Variants in IQGAP2 observed in about 807,000 individuals in gnomAD.
The protein encoded by IQGAP2 is IQ motif containing GTPase activating protein 2.
Under a neutral mutation model 201.3 loss-of-function variants are expected in IQGAP2, and 173 were observed. The observed-to-expected ratio is 0.86, with a 90% CI of 0.76 to 0.98. IQGAP2 has a LOEUF of 0.98. IQGAP2 is among the 50% of genes least tolerant of loss of function. The probability of loss-of-function intolerance (pLI) is 0.00; values close to 1 mark genes in which losing one functional copy is unlikely to be tolerated. For missense variants in IQGAP2, 1,687 were observed against 1,864.8 expected (o/e 0.90, Z 1.76); for synonymous variants, 675 against 673.9 (o/e 1.00, Z -0.03).
intron 2 of IQGAP2, among the ~76,000 whole-genome samples, chr5:76,536,799 G>A (rs551146901): frequency 1.6e-4 from 24 of 151,854 alleles, no homozygotes; most frequent in African/African-American, 5.3e-4. Context: ...CATGGCTTTT[G>A]GCTTTTTATC....
chr5:76,652,660 T>A, intron 17 of IQGAP2, 90 bp from the exon 18 acceptor site: 1 of 912,328 alleles, frequency 1.1e-6, no homozygotes, highest in Non-Finnish European at 1.8e-6. Flanking sequence ...CCCAGCTCCA[T>A]GCGGCCTGAG....
intron 8 of IQGAP2, among the ~76,000 whole-genome samples, chr5:76,592,034 C>T (rs931183493): frequency 3.3e-5 from 5 of 152,182 alleles, no homozygotes; most frequent in African/African-American, 1.2e-4. Context: ...TTGCCTCAGT[C>T]CTGCCCCTTC....
intron 2 of IQGAP2, among the ~76,000 whole-genome samples, chr5:76,544,939 A>G (rs966746450): frequency 7.2e-5 from 11 of 152,020 alleles, no homozygotes; most frequent in African/African-American, 2.4e-4. Context: ...ATATATGTCT[A>G]CAGTATATAT....
chr5:76,652,717 G>C (rs1336232259), intron 17 of IQGAP2, 33 bp from the exon 18 acceptor site: 2 of 1,459,552 alleles, frequency 1.4e-6, no homozygotes, highest in Admixed American at 3.3e-5. Context: ...AAACTTGCTG[G>C]TAAATAATTC....
At chr5:76,411,029 G>T (rs532788766) in intron 1 of IQGAP2, among the ~76,000 whole-genome samples, 5 of 152,320 alleles carry the variant, frequency 3.3e-5, no homozygotes, top group Admixed American at 6.5e-5. Context: ...AGCAGCAGCA[G>T]TAACAGCAGC....
At chr5:76,457,356 C>G (rs1165154968) in intron 1 of IQGAP2, among the ~76,000 whole-genome samples, 1 of 152,170 alleles carries the variant, frequency 6.6e-6, no homozygotes, top group East Asian at 1.9e-4. Context: ...TATTACAGAA[C>G]AGATTCCAAG....
intron 1 of IQGAP2, among the ~76,000 whole-genome samples, chr5:76,412,504 T>C (rs1425179492): frequency 1.3e-5 from 2 of 152,218 alleles, no homozygotes; most frequent in Admixed American, 1.3e-4. Context: ...CATATTTTAC[T>C]GGCAATATGA....
intron 14 of IQGAP2, among the ~76,000 whole-genome samples, chr5:76,629,493 A>G (rs748142997): frequency 1.3e-5 from 2 of 152,168 alleles, no homozygotes; most frequent in East Asian, 1.9e-4. Context: ...TGCTTGCTTA[A>G]AGTAGATTTG....
chr5:76,541,126 T>C (rs1013264772), intron 2 of IQGAP2, among the ~76,000 whole-genome samples: 1 of 152,178 alleles, frequency 6.6e-6, no homozygotes, highest in Non-Finnish European at 1.5e-5. Flanking sequence ...TCATTCTCCA[T>C]TTCCAGAAAT....
intron 2 of IQGAP2, among the ~76,000 whole-genome samples, chr5:76,464,604 T>G (rs1754670862): frequency 6.6e-6 from 1 of 152,240 alleles, no homozygotes; most frequent in Admixed American, 6.5e-5. Flanking sequence ...GGTATCTAGT[T>G]TGTATATCCT....
At chr5:76,568,010 C>T (rs1050783178) in intron 3 of IQGAP2, among the ~76,000 whole-genome samples, 1 of 152,012 alleles carries the variant, frequency 6.6e-6, no homozygotes, top group African/African-American at 2.4e-5. Flanking sequence ...AGGACTGGAG[C>T]GGGAAGAAAA....
In IQGAP2 at chr5:76,582,783, AACT is replaced by A. The variant is rs35811029; in HGVS notation, c.459-6103_459-6101del. 6.6e-5 allele frequency among the ~76,000 whole-genome samples: 10 copies of A among 151,824 alleles called. 1 individual carries two copies. The highest frequency in any genetic ancestry group is 6.2e-4 in the South Asian group (3 of 4,804). ...GGAAAAATTTGGTTCAGTAGATAACAACTACTACTACTACTACTACTATATACT... is the reference window on the plus strand; with the variant it reads ...GGAAAAATTTGGTTCAGTAGATAACAACTACTACTACTACTACTATATACT... On this transcript the variant is annotated intron_variant, in intron 5 of 35. Coordinates refer to ENST00000274364, the MANE Select transcript of IQGAP2 (RefSeq NM_006633.5).
intron 2 of IQGAP2, among the ~76,000 whole-genome samples, chr5:76,488,145 T>C (rs1756287017): frequency 6.6e-6 from 1 of 152,222 alleles, no homozygotes; most frequent in Non-Finnish European, 1.5e-5. Context: ...AAAACTGTTT[T>C]AGCAGTGAGC....
chr5:76,415,676 T>C (rs970139615), intron 1 of IQGAP2, among the ~76,000 whole-genome samples: 1 of 152,208 alleles, frequency 6.6e-6, no homozygotes, highest in African/African-American at 2.4e-5. Context: ...GCACAGTGGT[T>C]CCCACCTGTA....
intron 1 of IQGAP2, among the ~76,000 whole-genome samples, chr5:76,424,737 A>C (rs1751905381): frequency 1.3e-5 from 2 of 152,210 alleles, no homozygotes; most frequent in Admixed American, 6.5e-5. Context: ...GACATGGCCC[A>C]CTGGCCCAGA....
intron 28 of IQGAP2, among the ~76,000 whole-genome samples, chr5:76,678,931 A>G (rs555230890): frequency 6.6e-6 from 1 of 152,344 alleles, no homozygotes; most frequent in African/African-American, 2.4e-5. Context: ...ATTTACATCA[A>G]GCTCTCAATA....
intron 2 of IQGAP2, among the ~76,000 whole-genome samples, chr5:76,518,904 G>T (rs1758502026): frequency 6.6e-6 from 1 of 151,972 alleles, no homozygotes; most frequent in Admixed American, 6.6e-5. Context: ...CAAGTTTTTG[G>T]CTTGTGCATG....
intron 14 of IQGAP2, chr5:76,628,854 A>C (rs1750467781): frequency 8.9e-6 from 3 of 338,552 alleles, no homozygotes; most frequent in Non-Finnish European, 5.8e-6. Flanking sequence ...AGGTGTGTAT[A>C]TAAGAAATTT....
intron 13 of IQGAP2, chr5:76,617,514 A>G (rs1034676876): frequency 3.0e-5 from 37 of 1,230,326 alleles, no homozygotes; most frequent in Non-Finnish European, 4.2e-5. Context: ...TCCTTGCACT[A>G]TGCTTATGTT....
Sources: gnomAD v4.1 joint callset for allele counts (sites outside exome capture counted in the v4.1 genomes callset) on GRCh38, gnomAD v4.1.1 for gene constraint, MANE v1.5 for transcripts, NCBI Gene and HGNC (gene_info 2026-07-23, HGNC 2026-07-21) for gene names.